PLXDC2: variants seen among roughly 807,000 people sequenced by gnomAD.
The protein encoded by PLXDC2 is plexin domain containing 2.
In PLXDC2, 40 loss-of-function variants were observed where a neutral mutation model predicts 68.9. The ratio of observed to expected loss-of-function variants is 0.58; its 90% CI spans 0.45 to 0.76. The LOEUF (loss-of-function observed/expected upper bound fraction) is 0.76. Among genes scored for constraint, PLXDC2 ranks in the 30% least tolerant of loss-of-function variants. The pLI, the probability that PLXDC2 is intolerant of heterozygous loss-of-function variation, is 0.00. For missense variants in PLXDC2, 644 were observed against 661.9 expected, an observed-to-expected ratio of 0.97 and a Z score of 0.30; for synonymous variants, 243 against 234.2, an observed-to-expected ratio of 1.04 and a Z score of -0.34.
intron 4 of PLXDC2, among the ~76,000 whole-genome samples, chr10:20,084,953 T>A (rs898599147): frequency 6.6e-6 from 1 of 152,064 alleles, no homozygotes; most frequent in African/African-American, 2.4e-5. Context: ...ACCTTTTTAA[T>A]ATGATCTCAG....
chr10:20,007,284 G>C (rs1835041906), intron 2 of PLXDC2, among the ~76,000 whole-genome samples: 1 of 152,176 alleles, frequency 6.6e-6, no homozygotes, highest in African/African-American at 2.4e-5. Context: ...GACAGTGTTG[G>C]CTGAAATTAC....
At chr10:19,986,485 G>A (rs898955076) in intron 1 of PLXDC2, among the ~76,000 whole-genome samples, 19 of 151,040 alleles carry the variant, frequency 1.3e-4, no homozygotes, top group African/African-American at 2.2e-4. Flanking sequence ...AATGGGAATG[G>A]AACAAAGCAT....
chr10:20,139,731 A>T (rs534212287), intron 4 of PLXDC2, among the ~76,000 whole-genome samples: 1 of 152,054 alleles, frequency 6.6e-6, no homozygotes, highest in African/African-American at 2.4e-5. Flanking sequence ...GGAAACCATC[A>T]TTCTCAGCAA....
intron 1 of PLXDC2, among the ~76,000 whole-genome samples, chr10:19,824,558 C>G (rs542640436): frequency 6.6e-6 from 1 of 152,166 alleles, no homozygotes; most frequent in Admixed American, 6.5e-5. Context: ...GTAGAGTACT[C>G]CATTCTGAGA....
At chr10:20,194,442 A>G (rs958359700) in intron 9 of PLXDC2, among the ~76,000 whole-genome samples, 4 of 152,022 alleles carry the variant, frequency 2.6e-5, no homozygotes, top group African/African-American at 9.7e-5. Context: ...GGTCAAAATA[A>G]ATTAATGAAA....
intron 7 of PLXDC2, among the ~76,000 whole-genome samples, chr10:20,173,569 C>G (rs1348096997): frequency 6.6e-6 from 1 of 152,206 alleles, no homozygotes; most frequent in African/African-American, 2.4e-5. Flanking sequence ...CTTTGCAACA[C>G]ATCGCCTTAA....
At chr10:20,220,214 T>G (rs1835191087) in intron 12 of PLXDC2, among the ~76,000 whole-genome samples, 1 of 152,180 alleles carries the variant, frequency 6.6e-6, no homozygotes, top group African/African-American at 2.4e-5. Context: ...CTGCAAAATA[T>G]ATACTAGCTA....
At chr10:20,243,635 A>T (rs1330053090) in intron 12 of PLXDC2, among the ~76,000 whole-genome samples, 1 of 152,216 alleles carries the variant, frequency 6.6e-6, no homozygotes, top group Non-Finnish European at 1.5e-5. Context: ...AGACATCCAT[A>T]TTTGGTTTTT....
At chr10:20,214,799 A>T (rs141493062) in intron 10 of PLXDC2, among the ~76,000 whole-genome samples, 1 of 152,294 alleles carries the variant, frequency 6.6e-6, no homozygotes, top group Non-Finnish European at 1.5e-5. Context: ...TTTACTGAAC[A>T]TTATTAGATC....
intron 2 of PLXDC2, among the ~76,000 whole-genome samples, chr10:20,039,504 A>T (rs542443731): frequency 6.6e-6 from 1 of 152,316 alleles, no homozygotes; most frequent in South Asian, 2.1e-4. Context: ...GAATCTCCAT[A>T]TTGAATATCT....
chr10:20,175,888 A>G (rs1292738981), intron 7 of PLXDC2, among the ~76,000 whole-genome samples: 1 of 152,110 alleles, frequency 6.6e-6, no homozygotes, highest in Non-Finnish European at 1.5e-5. Context: ...TTATTCCGGA[A>G]ATGCATTCTT....
chr10:20,242,183 A>G (rs184064540), intron 12 of PLXDC2, among the ~76,000 whole-genome samples: 166 of 152,322 alleles, frequency 1.1e-3, no homozygotes, highest in African/African-American at 3.8e-3. Context: ...AAATAAGAAA[A>G]TAGACAAGTC....
intron 2 of PLXDC2, among the ~76,000 whole-genome samples, chr10:20,028,397 G>A (rs776060914): frequency 3.3e-5 from 5 of 152,104 alleles, no homozygotes; most frequent in East Asian, 1.9e-4. Context: ...AAATAGAAAT[G>A]CAGGTGTTAT....
intron 1 of PLXDC2, among the ~76,000 whole-genome samples, chr10:19,899,735 A>G (rs1230529323): frequency 6.6e-6 from 1 of 152,214 alleles, no homozygotes; most frequent in East Asian, 1.9e-4. Context: ...ATGATAGGAT[A>G]CTAAATTAGC....
intron 3 of PLXDC2, among the ~76,000 whole-genome samples, chr10:20,054,371 A>T (rs1835958193): frequency 6.6e-6 from 1 of 152,018 alleles, no homozygotes; most frequent in Non-Finnish European, 1.5e-5. Flanking sequence ...TCTCTCTCAG[A>T]TCAATAAATT....
intron 1 of PLXDC2, among the ~76,000 whole-genome samples, chr10:19,845,380 C>T (rs1658463515): frequency 6.6e-6 from 1 of 152,114 alleles, no homozygotes; most frequent in African/African-American, 2.4e-5. Flanking sequence ...GGAAGTGTCA[C>T]GTTAAGCCTG....
rs191800849 is a variant in PLXDC2, at chr10:19,912,615, T to C, written c.113-89160T>C. 3.3e-3 allele frequency among the ~76,000 whole-genome samples: 496 copies of C among 152,304 alleles called. 7 individuals are homozygous for C. The highest frequency in any genetic ancestry group is 9.7e-3 in the Admixed American group (148 of 15,290). On this transcript the variant is annotated intron_variant, in intron 1 of 13. Transcript: ENST00000377252. ...ATACGAGATATTGGTGCCATCTATT[T>C]TCTTTACTCTTCCTTAAAGATCCTT...
At chr10:20,276,137 C>T (rs7098753) in intron 13 of PLXDC2, among the ~76,000 whole-genome samples, 38,044 of 151,818 alleles carry the variant, frequency 0.25, 4,890 homozygotes, top group African/African-American at 0.3. Context: ...TTGACAAGTG[C>T]CATTATGTAC....
chr10:20,155,501 G>C (rs1834205702), intron 6 of PLXDC2, among the ~76,000 whole-genome samples: 1 of 151,900 alleles, frequency 6.6e-6, no homozygotes. Context: ...CTAATACAAG[G>C]AAAAGAAAAC....
Sources: gnomAD v4.1 joint callset for allele counts (sites outside exome capture counted in the v4.1 genomes callset) on GRCh38, gnomAD v4.1.1 for gene constraint, MANE v1.5 for transcripts, NCBI Gene and HGNC (gene_info 2026-07-23, HGNC 2026-07-21) for gene names.